The following RERG variants were observed in gnomAD, a reference collection of about 807,000 sequenced individuals.
RERG encodes the protein ras-related and estrogen-regulated growth inhibitor.
Under a neutral mutation model 23.2 loss-of-function variants are expected in RERG, and 25 were observed. The ratio of observed to expected loss-of-function variants is 1.08; its 90% CI spans 0.79 to 1.50. RERG has a LOEUF of 1.50. Ranked by LOEUF, RERG falls within the 40% of genes most tolerant of loss-of-function variation. The pLI, the probability that RERG is intolerant of heterozygous loss-of-function variation, is 0.00. For missense variants in RERG, 253 were observed against 250.1 expected (o/e 1.01, Z -0.08); for synonymous variants, 81 against 89.1 (o/e 0.91, Z 0.51).
intron 2 of RERG, among the ~76,000 whole-genome samples, chr12:15,123,190 G>C (rs1360497511): frequency 6.6e-6 from 1 of 152,122 alleles, no homozygotes; most frequent in African/African-American, 2.4e-5. Flanking sequence ...CATGAGCGAA[G>C]TTTACAGTTC....
chr12:15,186,717 C>T (rs1864997974), intron 2 of RERG, among the ~76,000 whole-genome samples: 1 of 152,096 alleles, frequency 6.6e-6, no homozygotes, highest in Non-Finnish European at 1.5e-5. Flanking sequence ...ACAGGCCTTG[C>T]TATTTAATGA....
intron 2 of RERG, among the ~76,000 whole-genome samples, chr12:15,140,429 GTTATAA>G (rs1158505802): frequency 6.6e-6 from 1 of 152,050 alleles, no homozygotes; most frequent in Admixed American, 6.5e-5. Flanking sequence ...TTGAATAACA[GTTATAA>G]TTAAATCATT....
intron 2 of RERG, among the ~76,000 whole-genome samples, chr12:15,137,535 G>C (rs1324598174): frequency 6.7e-6 from 1 of 149,510 alleles, no homozygotes; most frequent in East Asian, 1.9e-4. Flanking sequence ...TTATTATATC[G>C]ATTTTACTTC....
chr12:15,164,745 T>C (rs1016023442), intron 2 of RERG, among the ~76,000 whole-genome samples: 1 of 152,066 alleles, frequency 6.6e-6, no homozygotes, highest in African/African-American at 2.4e-5. Flanking sequence ...CTTCTTTATC[T>C]CTCCCTCAGA....
intron 2 of RERG, among the ~76,000 whole-genome samples, chr12:15,137,087 C>G (rs1360401394): frequency 6.6e-6 from 1 of 151,814 alleles, no homozygotes; most frequent in Non-Finnish European, 1.5e-5. Context: ...ATATGGGCCT[C>G]TCTTTTTAGG....
intron 2 of RERG, among the ~76,000 whole-genome samples, chr12:15,192,163 G>A (rs1455515064): frequency 6.6e-6 from 1 of 152,124 alleles, no homozygotes; most frequent in Non-Finnish European, 1.5e-5. Flanking sequence ...GCGATAGTAA[G>A]TGACTTCTCA....
rs377347849 is a variant in RERG at position 15,144,683 on chromosome 12, G to C, written c.62-23564C>G. Among the ~76,000 whole-genome samples the C allele has an allele frequency of 1.5e-3, 233 of 152,266 alleles. 6 individuals are homozygous for C. The South Asian group carries it at 0.047, about 31-fold the overall frequency. On this transcript the variant is annotated intron_variant, in intron 2 of 4. Transcript: ENST00000256953. ...GGAGTGGGCTTAAGAGAATAGGGAG[G>C]GGTGGCAATGCAGAGAGTCAATCTA...
chr12:15,176,546 T>G lies in RERG; in HGVS notation c.61+40883A>C, dbSNP rs1254080507. ...GGGTATTATGTTTTTATTGCTGTTG[T>G]TTATTAGCAAACACACTTGACTGAG... On this transcript the variant is annotated intron_variant, in intron 2 of 4. Coordinates refer to ENST00000256953, the MANE Select transcript of RERG (RefSeq NM_032918.3). Among the ~76,000 whole-genome samples, 9 of 152,182 alleles carry G rather than the reference T, an allele frequency of 5.9e-5. No homozygotes were observed. In the South Asian group the frequency reaches 1.9e-3, roughly 32 times the overall value.
chr12:15,119,514 A>C lies in RERG; in HGVS notation c.118+1549T>G, dbSNP rs542827379. 2.0e-5 allele frequency among the ~76,000 whole-genome samples: 3 copies of C among 152,286 alleles called. No individual in the cohort carries two copies. In the East Asian group the frequency reaches 5.8e-4, roughly 29 times the overall value. ...TTAAGATTCTCAGATAATCTATGTA[A>C]AACTTATGTAAGTAATAAAAATATA... is the stretch of plus-strand genomic sequence containing the variant. On this transcript the variant is annotated intron_variant, in intron 3 of 4. Coordinates refer to ENST00000256953, the MANE Select transcript of RERG (RefSeq NM_032918.3).
At position 15,191,629 on chromosome 12, in the gene RERG, A is replaced by T. The variant is rs538109648; in HGVS notation, c.61+25800T>A. Among the ~76,000 whole-genome samples the T allele has an allele frequency of 7.2e-4, 110 of 152,196 alleles. 1 individual carries two copies. The South Asian group carries it at 0.023, about 31-fold the overall frequency. On this transcript the variant is annotated intron_variant, in intron 2 of 4. Transcript: ENST00000256953. ...TGAACTCCATGATCCAGCCAAGTTA[A>T]CTGTTTCTTCATTTTACAAAGGTTC... is the stretch of plus-strand genomic sequence containing the variant.
Position 15,109,003 on chromosome 12 carries a change from C to T in RERG, c.*107G>A, listed in dbSNP as rs1211030140. On this transcript the variant is annotated 3_prime_UTR_variant, in exon 5 of 5. Transcript: ENST00000256953. ...GGCCAGAAACAATGGGAAGCCCAGACATTTCTCAGAATCCAAACAAAGAAT... is the reference window on the plus strand; with the variant it reads ...GGCCAGAAACAATGGGAAGCCCAGATATTTCTCAGAATCCAAACAAAGAAT... The T allele has an allele frequency of 8.4e-7, 1 of 1,186,566 alleles. No homozygotes were observed. Among genetic ancestry groups the T allele is most frequent in the Non-Finnish European group, 1.2e-6 (1 of 843,230 alleles). The allele number at this position is 1,186,566 out of a possible 1,614,324, so 73.5% of individuals were successfully genotyped here. A position where few individuals can be genotyped will look rare whatever the true frequency, so the allele number is the denominator to read the frequency against.
intron 2 of RERG, among the ~76,000 whole-genome samples, chr12:15,178,523 G>T (rs1167848269): frequency 6.6e-6 from 1 of 152,096 alleles, no homozygotes; most frequent in Non-Finnish European, 1.5e-5. Flanking sequence ...AGATTCTTTG[G>T]GTTCAGAGTG....
At chr12:15,167,853 T>C (rs7309885) in intron 2 of RERG, among the ~76,000 whole-genome samples, 10,228 of 152,210 alleles carry the variant, frequency 0.067, 1,158 homozygotes, top group African/African-American at 0.23. Context: ...ACAGTTTTAA[T>C]TGGTTTTTTG....
rs1864689618 is a variant in RERG at position 15,166,495 on chromosome 12, GAT to G, written c.62-45378_62-45377del. Reference sequence around the variant, plus strand: ...AATTGATGATGATGATGATGATGATGATGATGGGGATGGTGGTGATGGTGGTG... The same window carrying G: ...AATTGATGATGATGATGATGATGATGGATGGGGATGGTGGTGATGGTGGTG... On this transcript the variant is annotated intron_variant, in intron 2 of 4. Coordinates refer to ENST00000256953, the MANE Select transcript of RERG (RefSeq NM_032918.3). Among the ~76,000 whole-genome samples the G allele has an allele frequency of 4.0e-4, 60 of 149,488 alleles. No individual in the cohort carries two copies. The East Asian group carries it at 6.1e-3, about 15-fold the overall frequency.
rs767213015 is a variant in RERG at position 15,134,568 on chromosome 12, T to C, written c.62-13449A>G. Among the ~76,000 whole-genome samples the C allele has an allele frequency of 1.3e-4, 20 of 152,084 alleles. 1 individual carries two copies. The highest frequency in any genetic ancestry group is 2.9e-4 in the Non-Finnish European group (20 of 68,008). On this transcript the variant is annotated intron_variant, in intron 2 of 4. Transcript: ENST00000256953. ...ATGTCCTTCTCACTTAATATTGTGT[T>C]ATCTATTCTGGATCTTTTGCCTTTC... is the stretch of plus-strand genomic sequence containing the variant.
chr12:15,140,788 A>G (rs1007987064), intron 2 of RERG, among the ~76,000 whole-genome samples: 2 of 152,012 alleles, frequency 1.3e-5, no homozygotes, highest in African/African-American at 4.8e-5. Flanking sequence ...TTGCTTCTCT[A>G]TAAGAAAGAT....
At chr12:15,143,393 A>T (rs1311313009) in intron 2 of RERG, among the ~76,000 whole-genome samples, 1 of 152,026 alleles carries the variant, frequency 6.6e-6, no homozygotes, top group African/African-American at 2.4e-5. Flanking sequence ...GTGTTTATAT[A>T]ATGTATATAT....
chr12:15,152,590 T>C (rs1411476947), intron 2 of RERG, among the ~76,000 whole-genome samples: 3 of 152,200 alleles, frequency 2.0e-5, no homozygotes. Flanking sequence ...CAGGTTTTCA[T>C]GTAGCAGTGC....
At chr12:15,155,180 C>T (rs1565522027) in intron 2 of RERG, 3 of 152,288 alleles carry the variant, frequency 2.0e-5, no homozygotes, top group Non-Finnish European at 2.9e-5. Context: ...TGTGTTTTTT[C>T]ATCTTCATTT....
Sources: allele counts gnomAD v4.1 joint callset (sites outside exome capture counted in the v4.1 genomes callset), GRCh38; gene constraint gnomAD v4.1.1; transcripts MANE v1.5; gene names NCBI Gene and HGNC (gene_info 2026-07-23, HGNC 2026-07-21).